The following CRACDL variants were observed in gnomAD, a reference collection of about 807,000 sequenced individuals.
CRACDL encodes CRACD like, also known as CRACD-like protein.
In CRACDL, 26 loss-of-function variants were observed where a neutral mutation model predicts 70.6. That is an observed-to-expected ratio of 0.37 (90% CI 0.27 to 0.51). The LOEUF is 0.51. CRACDL is among the 20% of genes least tolerant of loss of function. The pLI, the probability that CRACDL is intolerant of heterozygous loss-of-function variation, is 0.94. For synonymous variants in CRACDL, 618 were observed against 615.2 expected (o/e 1.00, Z -0.07); for missense variants, 1,283 against 1,376.9 (o/e 0.93, Z 1.08).
At chr2:98,831,717 C>T (rs1056920814) in intron 5 of CRACDL, among the ~76,000 whole-genome samples, 1 of 152,186 alleles carries the variant, frequency 6.6e-6, no homozygotes, top group Non-Finnish European at 1.5e-5. Flanking sequence ...GTTGTTTATG[C>T]ACGAGAAAGA....
At chr2:98,845,180 T>A (rs1706200669) in intron 2 of CRACDL, among the ~76,000 whole-genome samples, 1 of 148,868 alleles carries the variant, frequency 6.7e-6, no homozygotes, top group Non-Finnish European at 1.5e-5. Flanking sequence ...CATTTTCCTT[T>A]TCTTTTCTTT....
intron 2 of CRACDL, among the ~76,000 whole-genome samples, chr2:98,839,409 A>AT (rs1333017054): frequency 2.6e-5 from 4 of 152,236 alleles, no homozygotes; most frequent in African/African-American, 9.6e-5. Flanking sequence ...CTCAATGAGC[A>AT]TTTATGATTT....
intron 8 of CRACDL, among the ~76,000 whole-genome samples, chr2:98,797,069 A>T (rs116176640): frequency 0.03 from 4,554 of 152,316 alleles, 88 homozygotes; most frequent in Middle Eastern, 0.065. Context: ...GGAGGCAGGG[A>T]GTAGAGAGCT....
chr2:98,817,823 A>G (rs552710274), intron 7 of CRACDL, among the ~76,000 whole-genome samples: 32 of 152,346 alleles, frequency 2.1e-4, no homozygotes, highest in African/African-American at 7.2e-4. Context: ...AGATTAGCCA[A>G]TGCTGGTTAT....
rs532791162 is a variant in CRACDL, at chr2:98,803,511, T to C, written c.2417-5974A>G. Among the ~76,000 whole-genome samples the C allele has an allele frequency of 2.6e-5, 4 of 152,318 alleles. No homozygotes were observed. In the East Asian group the frequency reaches 7.7e-4, roughly 29 times the overall value. On this transcript the variant is annotated intron_variant, in intron 7 of 9. Transcript: ENST00000397899. ...TTGTTCATAGAAGTACACAAGCATA[T>C]TGTACAGATTTAGAAAGTAGATAAA...
chr2:98,879,965 T>C (rs970337965), intron 1 of CRACDL, among the ~76,000 whole-genome samples: 1 of 152,272 alleles, frequency 6.6e-6, no homozygotes, highest in Non-Finnish European at 1.5e-5. Flanking sequence ...TAATGACTTC[T>C]GCGTTGCCTC....
At chr2:98,807,804 T>C (rs181276612) in intron 7 of CRACDL, among the ~76,000 whole-genome samples, 299 of 152,324 alleles carry the variant, frequency 2.0e-3, no homozygotes, top group African/African-American at 6.7e-3. Context: ...CTGCAGACCC[T>C]GACTTCAAGA....
Position 98,823,631 on chromosome 2 carries a change from T to C in CRACDL, c.736-94A>G. The C allele has an allele frequency of 6.9e-7, 1 of 1,456,662 alleles. No homozygotes were observed. Among genetic ancestry groups the C allele is most frequent in the South Asian group, 1.2e-5 (1 of 81,850 alleles). 90.2% of individuals were successfully genotyped at this position (1,456,662 alleles called of 1,614,324 possible). A position where few individuals can be genotyped will look rare whatever the true frequency, so the allele number is the denominator to read the frequency against. ...TTTTTCAAGGCTTATAATGGTTTAG[T>C]GATAGCAGCACTATAAAGCTGGCAC... On this transcript the variant is annotated intron_variant, in intron 6 of 9. Coordinates refer to ENST00000397899, the MANE Select transcript of CRACDL (RefSeq NM_207362.3). The surrounding 1 kb of genome is among the most constrained non-coding windows in gnomAD (Gnocchi z 4.0).
intron 2 of CRACDL, among the ~76,000 whole-genome samples, chr2:98,841,484 T>C (rs933170375): frequency 6.6e-6 from 1 of 152,222 alleles, no homozygotes; most frequent in African/African-American, 2.4e-5. Context: ...TCCATTTTTA[T>C]GCACTATTGT....
intron 1 of CRACDL, among the ~76,000 whole-genome samples, chr2:98,934,555 AC>A (rs1315731353): frequency 6.6e-6 from 1 of 152,124 alleles, no homozygotes; most frequent in Non-Finnish European, 1.5e-5. Context: ...CAGGACAGCC[AC>A]CCGTTAGTGA....
At chr2:98,840,755 T>C (rs1705993986) in intron 2 of CRACDL, 1 of 152,228 alleles carries the variant, frequency 6.6e-6, no homozygotes, top group Non-Finnish European at 1.5e-5. Flanking sequence ...AATATGTTAA[T>C]GCATAGAAAT....
intron 7 of CRACDL, among the ~76,000 whole-genome samples, chr2:98,807,628 T>C (rs1025724117): frequency 6.6e-6 from 1 of 152,278 alleles, no homozygotes; most frequent in African/African-American, 2.4e-5. Flanking sequence ...TACATGCCTT[T>C]GTGCAAGTTC....
intron 4 of CRACDL, among the ~76,000 whole-genome samples, 167 bp downstream of exon 4, chr2:98,832,695 A>G (rs572778270): frequency 6.6e-6 from 1 of 152,330 alleles, no homozygotes; most frequent in East Asian, 1.9e-4. Context: ...TCATCTAAGA[A>G]TGAGTCGAGA....
chr2:98,807,738 A>G (rs1704375303), intron 7 of CRACDL, among the ~76,000 whole-genome samples: 1 of 152,242 alleles, frequency 6.6e-6, no homozygotes, highest in African/African-American at 2.4e-5. Flanking sequence ...GTAAGTGCTC[A>G]CTATATGTTA....
intron 1 of CRACDL, among the ~76,000 whole-genome samples, chr2:98,855,189 A>C (rs1352341119): frequency 1.3e-5 from 2 of 151,998 alleles, no homozygotes; most frequent in Non-Finnish European, 2.9e-5. Context: ...CTGAGGCAAG[A>C]GAATTGCTTG....
chr2:98,860,996 G>C (rs1706913099), intron 1 of CRACDL, among the ~76,000 whole-genome samples: 2 of 152,182 alleles, frequency 1.3e-5, no homozygotes, highest in Non-Finnish European at 2.9e-5. Context: ...CATAAAGTAG[G>C]CAAATGAATG....
At chr2:98,844,484 A>G (rs912841555) in intron 2 of CRACDL, among the ~76,000 whole-genome samples, 2 of 152,136 alleles carry the variant, frequency 1.3e-5, no homozygotes, top group Non-Finnish European at 1.5e-5. Context: ...CCCTTTTCAT[A>G]AGGACACCCA....
At chr2:98,896,359 G>A (rs1708124923) in intron 1 of CRACDL, among the ~76,000 whole-genome samples, 1 of 152,094 alleles carries the variant, frequency 6.6e-6, no homozygotes, top group African/African-American at 2.4e-5. Flanking sequence ...ATCAAGAGCT[G>A]AACAGGAATA....
At chr2:98,860,816 A>G (rs1287858350) in intron 1 of CRACDL, among the ~76,000 whole-genome samples, 1 of 152,246 alleles carries the variant, frequency 6.6e-6, no homozygotes, top group African/African-American at 2.4e-5. Flanking sequence ...AGAAACTGTA[A>G]AGACAACAGA....
Sources: gnomAD v4.1 joint callset for allele counts (sites outside exome capture counted in the v4.1 genomes callset) on GRCh38, gnomAD v4.1.1 for gene constraint, Gnocchi (gnomAD v3.1) non-coding constraint, MANE v1.5 for transcripts, NCBI Gene and HGNC (gene_info 2026-07-23, HGNC 2026-07-21) for gene names.